The following LINGO1 variants were observed in gnomAD, a reference collection of about 807,000 sequenced individuals.
LINGO1 encodes leucine rich repeat and Ig domain containing 1.
LINGO1 carries 11 observed loss-of-function variants against 37.3 expected under a neutral mutation model. That is an observed-to-expected ratio of 0.29 (90% CI 0.19 to 0.49). LINGO1 has a LOEUF of 0.49. Ranked by LOEUF, LINGO1 falls within the 20% of genes least tolerant of loss-of-function variation. The pLI, the probability that LINGO1 is intolerant of heterozygous loss-of-function variation, is 0.99. For synonymous variants in LINGO1, 387 were observed against 403.0 expected (o/e 0.96, Z 0.48); for missense variants, 585 against 878.2 (o/e 0.67, Z 4.22).
chr15:77,786,370 A>G (rs1439351264), intron 1 of LINGO1, among the ~76,000 whole-genome samples: 1 of 152,014 alleles, frequency 6.6e-6, no homozygotes, highest in African/African-American at 2.4e-5. Context: ...AGGGCAGCCA[A>G]TCAGGACACC....
intron 2 of LINGO1, among the ~76,000 whole-genome samples, chr15:77,685,342 C>T (rs894202765): frequency 6.6e-6 from 1 of 152,104 alleles, no homozygotes; most frequent in South Asian, 2.1e-4. Context: ...AGGACCTTGG[C>T]TCCCTCACCT....
chr15:77,817,650 C>G (rs2077058996), intron 1 of LINGO1, among the ~76,000 whole-genome samples: 1 of 152,190 alleles, frequency 6.6e-6, no homozygotes, highest in Non-Finnish European at 1.5e-5. Flanking sequence ...CAGCTGAGAA[C>G]AGCCGCCAGC....
chr15:77,798,385 C>G (rs2076890676), intron 1 of LINGO1, among the ~76,000 whole-genome samples: 2 of 152,234 alleles, frequency 1.3e-5, no homozygotes. Flanking sequence ...GAGCCCAGCT[C>G]CACCTGAGCT....
At chr15:77,616,515 A>C (rs1196913840) in intron 1 of LINGO1, among the ~76,000 whole-genome samples, 1 of 152,190 alleles carries the variant, frequency 6.6e-6, no homozygotes, top group African/African-American at 2.4e-5. Context: ...GGTCTGCAGT[A>C]AACCAATGGC....
intron 1 of LINGO1, among the ~76,000 whole-genome samples, chr15:77,780,037 C>T (rs1250672235): frequency 6.6e-6 from 1 of 152,202 alleles, no homozygotes; most frequent in East Asian, 1.9e-4. Flanking sequence ...CAACTCAGCC[C>T]AGGGGGCTGG....
At chr15:77,781,315 G>A (rs919429870) in intron 1 of LINGO1, among the ~76,000 whole-genome samples, 6 of 152,144 alleles carry the variant, frequency 3.9e-5, no homozygotes, top group Non-Finnish European at 2.9e-5. Flanking sequence ...GAATCAATGT[G>A]CAAAAGCCTC....
chr15:77,812,684 T>C (rs2077015326), intron 1 of LINGO1, among the ~76,000 whole-genome samples: 1 of 101,928 alleles, frequency 9.8e-6, no homozygotes, highest in Non-Finnish European at 2.3e-5. Flanking sequence ...TCGCCAACAA[T>C]GGCCAGGCTC....
At chr15:77,616,119 C>T (rs2073711671) in intron 1 of LINGO1, among the ~76,000 whole-genome samples, 4 of 152,178 alleles carry the variant, frequency 2.6e-5, no homozygotes, top group Non-Finnish European at 4.4e-5. Context: ...AAGGACCCTC[C>T]CAGCATCCTT....
At chr15:77,766,908 G>A (rs570789970) in intron 1 of LINGO1, among the ~76,000 whole-genome samples, 1 of 150,746 alleles carries the variant, frequency 6.6e-6, no homozygotes, top group East Asian at 1.9e-4. Context: ...CCATTGGAAG[G>A]ACAGATTGAT....
At chr15:77,816,076 A>C (rs2077045563) in intron 1 of LINGO1, among the ~76,000 whole-genome samples, 1 of 152,090 alleles carries the variant, frequency 6.6e-6, no homozygotes, top group African/African-American at 2.4e-5. Context: ...GTGCCGGAAA[A>C]TCTCAGCAGG....
chr15:77,733,593 C>T (rs943563746), intron 2 of LINGO1, among the ~76,000 whole-genome samples: 4 of 152,134 alleles, frequency 2.6e-5, no homozygotes, highest in African/African-American at 7.2e-5. Flanking sequence ...AAGACCAAAT[C>T]CTACCTCGCG....
intron 2 of LINGO1, among the ~76,000 whole-genome samples, chr15:77,733,159 C>T (rs760621052): frequency 7.9e-5 from 12 of 152,184 alleles, no homozygotes; most frequent in Non-Finnish European, 1.2e-4. Flanking sequence ...CTCACTGAAC[C>T]GAGTGGGGCT....
chr15:77,805,991 G>A (rs1372929175), intron 1 of LINGO1, among the ~76,000 whole-genome samples: 2 of 152,350 alleles, frequency 1.3e-5, no homozygotes, highest in Non-Finnish European at 2.9e-5. Context: ...GACCCCGGCA[G>A]AGGGCTTTGG....
At chr15:77,744,304 T>TG (rs1356439792) in intron 1 of LINGO1, among the ~76,000 whole-genome samples, 2 of 151,658 alleles carry the variant, frequency 1.3e-5, no homozygotes, top group Non-Finnish European at 2.9e-5. Flanking sequence ...GAGGCCAAGG[T>TG]GGGCAGACTG....
intron 1 of LINGO1, among the ~76,000 whole-genome samples, chr15:77,785,287 G>C (rs2076760276): frequency 6.6e-6 from 1 of 152,294 alleles, no homozygotes; most frequent in East Asian, 1.9e-4. Context: ...AGAGCCCCTA[G>C]TTCACACATT....
intron 1 of LINGO1, among the ~76,000 whole-genome samples, chr15:77,769,396 C>T (rs1185380713): frequency 6.6e-6 from 1 of 152,220 alleles, no homozygotes; most frequent in African/African-American, 2.4e-5. Flanking sequence ...CCCCCAGCCT[C>T]CCCTGTGACT....
intron 2 of LINGO1, among the ~76,000 whole-genome samples, chr15:77,727,722 A>T (rs1047997080): frequency 1.6e-5 from 2 of 128,670 alleles, no homozygotes; most frequent in Non-Finnish European, 3.6e-5. Flanking sequence ...GATACATTTT[A>T]TATGTTTTTT....
chr15:77,679,979 C>G (rs754120686), intron 2 of LINGO1, among the ~76,000 whole-genome samples: 8 of 152,238 alleles, frequency 5.3e-5, no homozygotes, highest in Non-Finnish European at 1.2e-4. Flanking sequence ...CACTGAATGT[C>G]AGCACATTTC....
At chr15:77,756,818 G>C (rs60380768) in intron 1 of LINGO1, among the ~76,000 whole-genome samples, 4,971 of 152,236 alleles carry the variant, frequency 0.033, 263 homozygotes, top group African/African-American at 0.11. Context: ...AGAGGGCACT[G>C]AATGTCCCCA....
Sources: gnomAD v4.1 joint callset for allele counts (sites outside exome capture counted in the v4.1 genomes callset) on GRCh38, gnomAD v4.1.1 for gene constraint, MANE v1.5 for transcripts, NCBI Gene and HGNC (gene_info 2026-07-23, HGNC 2026-07-21) for gene names.